PTPRO: variants seen among roughly 807,000 people sequenced by gnomAD.
The protein encoded by PTPRO is protein tyrosine phosphatase receptor type O, also known as receptor-type tyrosine-protein phosphatase O.
Under a neutral mutation model 145.2 loss-of-function variants are expected in PTPRO, and 62 were observed. The ratio of observed to expected loss-of-function variants is 0.43; its 90% CI spans 0.35 to 0.53. PTPRO has a LOEUF of 0.53. PTPRO is among the 20% of genes least tolerant of loss of function. The pLI, the probability that PTPRO is intolerant of heterozygous loss-of-function variation, is 0.01. For missense variants in PTPRO, 1,345 were observed against 1,482.7 expected, an observed-to-expected ratio of 0.91 and a Z score of 1.53; for synonymous variants, 565 against 514.7, an observed-to-expected ratio of 1.10 and a Z score of -1.32.
At chr12:15,491,123 A>T (rs1052655436) in intron 2 of PTPRO, among the ~76,000 whole-genome samples, 2 of 152,110 alleles carry the variant, frequency 1.3e-5, no homozygotes, top group Non-Finnish European at 2.9e-5. Context: ...TCAAATGATC[A>T]TCTATGCACC....
chr12:15,351,561 T>G (rs531185725), intron 1 of PTPRO, among the ~76,000 whole-genome samples: 128 of 152,296 alleles, frequency 8.4e-4, no homozygotes, highest in Non-Finnish European at 1.5e-3. Context: ...ACAAAGTCTT[T>G]TAGCTTTGGG....
rs56061735 is a variant in PTPRO, at chr12:15,539,761, C to CA, written c.2165-6774dup. Among the ~76,000 whole-genome samples the CA allele has an allele frequency of 1.2e-3, 61 of 52,486 alleles. 4 individuals are homozygous for CA. The highest frequency in any genetic ancestry group is 4.9e-3 in the African/African-American group (57 of 11,710). 34.4% of individuals were successfully genotyped at this position (52,486 alleles called of 152,430 possible). Reference sequence around the variant, plus strand: ...TGGGTGACAGACTGAGACTCTGTCTCAAAAAAAAAAAAAAAAAAAAAAAAA... The same window carrying CA: ...TGGGTGACAGACTGAGACTCTGTCTCAAAAAAAAAAAAAAAAAAAAAAAAAA... On this transcript the variant is annotated intron_variant, in intron 12 of 26. Transcript: ENST00000281171.
At chr12:15,481,099 A>AT (rs1265762679) in intron 1 of PTPRO, among the ~76,000 whole-genome samples, 1 of 152,224 alleles carries the variant, frequency 6.6e-6, no homozygotes, top group East Asian at 1.9e-4. Context: ...TAGGCAGCAC[A>AT]TTAAATACCT....
intron 1 of PTPRO, among the ~76,000 whole-genome samples, chr12:15,349,262 T>G (rs1408377069): frequency 6.6e-6 from 1 of 152,186 alleles, no homozygotes; most frequent in Non-Finnish European, 1.5e-5. Context: ...GTTTTCCAAT[T>G]GGCTAGATGG....
chr12:15,453,960 T>C (rs1941111065), intron 1 of PTPRO, among the ~76,000 whole-genome samples: 1 of 152,226 alleles, frequency 6.6e-6, no homozygotes, highest in Non-Finnish European at 1.5e-5. Flanking sequence ...TACCACATTT[T>C]CTTCATTTAT....
chr12:15,466,889 G>T (rs80240244), intron 1 of PTPRO, among the ~76,000 whole-genome samples: 1 of 152,106 alleles, frequency 6.6e-6, no homozygotes, highest in Admixed American at 6.6e-5. Context: ...GGAATCATCC[G>T]TGGCACAAAC....
chr12:15,336,524 T>C (rs1866767421), intron 1 of PTPRO, among the ~76,000 whole-genome samples: 1 of 152,186 alleles, frequency 6.6e-6, no homozygotes, highest in Non-Finnish European at 1.5e-5. Flanking sequence ...ATTACACACA[T>C]AGCAAAACTT....
In PTPRO at chr12:15,580,060, T is replaced by C. The variant is rs1295292759; in HGVS notation, c.2942T>C (p.Leu981Ser). 6.2e-7 allele frequency: 1 copy of C among 1,613,204 alleles called. No individual in the cohort carries two copies. Among genetic ancestry groups the C allele is most frequent in the Admixed American group, 1.7e-5 (1 of 60,016 alleles). The change falls in exon 21 of 27, where the codon TTA (leucine) becomes TCA (serine). Residue 981 changes from leucine (L) to serine (S), a missense_variant. This residue lies in a region of PTPRO where 1,130 missense variants were observed against 1,214.7 expected (regional missense o/e 0.93). Transcript: ENST00000281171. ...ILPYDFSRVRLVSMNEEEGAD... is the reference protein window; with the variant it reads ...ILPYDFSRVRSVSMNEEEGAD... Reference sequence around the variant, plus strand: ...ACAGATGACTTCAGCCGTGTGAGATTAGTCTCCATGAATGAAGAGGAAGGT... The same window carrying C: ...ACAGATGACTTCAGCCGTGTGAGATCAGTCTCCATGAATGAAGAGGAAGGT...
chr12:15,374,217 T>C (rs757750665), intron 1 of PTPRO, among the ~76,000 whole-genome samples: 1 of 152,100 alleles, frequency 6.6e-6, no homozygotes, highest in African/African-American at 2.4e-5. Context: ...ACTGAAATAC[T>C]GGGAAGGAAA....
intron 1 of PTPRO, among the ~76,000 whole-genome samples, chr12:15,470,047 C>T (rs1941504953): frequency 6.6e-6 from 1 of 152,118 alleles, no homozygotes; most frequent in African/African-American, 2.4e-5. Context: ...GGATTTGAAC[C>T]CAGATCTCTG....
intron 1 of PTPRO, among the ~76,000 whole-genome samples, chr12:15,324,825 A>T (rs531589950): frequency 6.6e-6 from 1 of 152,276 alleles, no homozygotes; most frequent in Non-Finnish European, 1.5e-5. Flanking sequence ...GTTCAAAAAA[A>T]ATGGTAAATT....
chr12:15,379,666 C>T (rs1002876483), intron 1 of PTPRO, among the ~76,000 whole-genome samples: 3 of 151,552 alleles, frequency 2.0e-5, no homozygotes, highest in African/African-American at 7.3e-5. Context: ...TACAATGTGT[C>T]AAGGATGCCA....
At chr12:15,391,602 A>G (rs1939190983) in intron 1 of PTPRO, among the ~76,000 whole-genome samples, 1 of 152,168 alleles carries the variant, frequency 6.6e-6, no homozygotes, top group African/African-American at 2.4e-5. Context: ...CAATCCTAGC[A>G]CTTCGTAGAA....
chr12:15,463,475 A>G (rs1941350334), intron 1 of PTPRO, among the ~76,000 whole-genome samples: 1 of 152,224 alleles, frequency 6.6e-6, no homozygotes, highest in South Asian at 2.1e-4. Flanking sequence ...GTCATAGAAG[A>G]AAAAATGAAG....
intron 1 of PTPRO, among the ~76,000 whole-genome samples, chr12:15,430,016 T>C (rs2136339391): frequency 6.6e-6 from 1 of 151,982 alleles, no homozygotes; most frequent in Admixed American, 6.6e-5. Context: ...GGAAAGATGT[T>C]GATTTTTGGT....
chr12:15,413,404 T>C (rs1939857671), intron 1 of PTPRO, among the ~76,000 whole-genome samples: 1 of 152,192 alleles, frequency 6.6e-6, no homozygotes. Context: ...TAAAGATTCT[T>C]GATACAATTA....
At chr12:15,595,811 G>GT (rs1944648287) in intron 26 of PTPRO, 1 of 152,790 alleles carries the variant, frequency 6.5e-6, no homozygotes, top group African/African-American at 2.4e-5. Flanking sequence ...CCAGTGGGAA[G>GT]GATAGGATTA....
At chr12:15,527,605 C>T (rs1318795765) in intron 12 of PTPRO, among the ~76,000 whole-genome samples, 1 of 152,188 alleles carries the variant, frequency 6.6e-6, no homozygotes, top group East Asian at 1.9e-4. Flanking sequence ...GGCATGAGCC[C>T]CCCAGCTAAC....
intron 1 of PTPRO, among the ~76,000 whole-genome samples, chr12:15,367,834 CTGT>C (rs1330308298): frequency 1.3e-5 from 2 of 152,144 alleles, no homozygotes; most frequent in Non-Finnish European, 2.9e-5. Flanking sequence ...ACCTGACGGG[CTGT>C]TGTTGGGATA....
Sources: gnomAD v4.1 joint callset for allele counts (sites outside exome capture counted in the v4.1 genomes callset) on GRCh38, gnomAD v4.1.1 for gene constraint, gnomAD v4.1.1 regional missense constraint, MANE v1.5 for transcripts, NCBI Gene and HGNC (gene_info 2026-07-23, HGNC 2026-07-21) for gene names.